The following FOXP4 variants were observed in gnomAD, a reference collection of about 807,000 sequenced individuals.
FOXP4 encodes forkhead box protein P4.
FOXP4 carries 25 observed loss-of-function variants against 82.6 expected under a neutral mutation model. The observed-to-expected ratio is 0.30, with a 90% CI of 0.22 to 0.42. The LOEUF (loss-of-function observed/expected upper bound fraction) is 0.42, where lower values mean the gene tolerates loss of function less well. Ranked by LOEUF, FOXP4 falls within the 10% of genes least tolerant of loss-of-function variation. The pLI is 1.00. For synonymous variants in FOXP4, 415 were observed against 388.2 expected, an observed-to-expected ratio of 1.07 and a Z score of -0.81; for missense variants, 785 against 900.9, an observed-to-expected ratio of 0.87 and a Z score of 1.65.
At chr6:41,581,350 C>T (rs918019790) in intron 3 of FOXP4, among the ~76,000 whole-genome samples, 8 of 152,240 alleles carry the variant, frequency 5.3e-5, no homozygotes, top group African/African-American at 1.9e-4. Flanking sequence ...CAGGCACTGT[C>T]CCTGTTCCTT....
intron 2 of FOXP4, among the ~76,000 whole-genome samples, chr6:41,573,571 C>T (rs1336571709): frequency 6.6e-6 from 1 of 152,068 alleles, no homozygotes; most frequent in Non-Finnish European, 1.5e-5. Flanking sequence ...GTTTGGTTAG[C>T]AAGGCCTTCT....
At chr6:41,586,565 A>G (rs533067632) in intron 5 of FOXP4, among the ~76,000 whole-genome samples, 259 of 152,244 alleles carry the variant, frequency 1.7e-3, no homozygotes, top group Non-Finnish European at 3.0e-3. Flanking sequence ...GAGCTGGGGG[A>G]GAGAAAACTC....
Position 41,594,964 on chromosome 6 carries a change from A to C in FOXP4, c.1631A>C (p.Gln544Pro). 1 of 1,614,178 alleles carries C rather than the reference A, an allele frequency of 6.2e-7. No individual in the cohort carries two copies. The highest frequency in any genetic ancestry group is 8.5e-7 in the Non-Finnish European group (1 of 1,180,022). Residue 544 changes from glutamine (Q) to proline (P), a missense_variant, in exon 14 of 17, where the codon CAG becomes CCG. Physicochemically the swap from Gln to Pro is moderately conservative, Grantham distance 76. Transcript: ENST00000307972. ...AVWTVDEREY[Q>P]KRRPPKMTGS... is the part of the protein sequence containing the mutation. ...TGGACTGTGGACGAGCGGGAGTATCAGAAGCGGAGACCGCCAAAGATGACA... is the reference window on the plus strand; with the variant it reads ...TGGACTGTGGACGAGCGGGAGTATCCGAAGCGGAGACCGCCAAAGATGACA...
intron 6 of FOXP4, 37 bp from the exon 7 acceptor site, chr6:41,587,262 C>T (rs544247285): frequency 2.1e-5 from 33 of 1,608,922 alleles, no homozygotes; most frequent in East Asian, 4.5e-5. Context: ...GCCGAGTGTT[C>T]GTGGGGCCCT....
intron 3 of FOXP4, among the ~76,000 whole-genome samples, chr6:41,583,642 G>T (rs1164000837): frequency 6.6e-6 from 1 of 152,200 alleles, no homozygotes; most frequent in Non-Finnish European, 1.5e-5. Flanking sequence ...GGAAATTAGA[G>T]AAGAGTCCTG....
At chr6:41,598,005 G>T in intron 16 of FOXP4, 55 bp downstream of exon 16, 1 of 1,375,900 alleles carries the variant, frequency 7.3e-7, no homozygotes, top group Non-Finnish European at 9.5e-7. Context: ...CCACCAGGGA[G>T]GAGGCGTCAT....
chr6:41,564,368 G>A (rs1288421397), intron 1 of FOXP4, among the ~76,000 whole-genome samples: 4 of 152,158 alleles, frequency 2.6e-5, no homozygotes, highest in South Asian at 2.1e-4. Flanking sequence ...GCAGGGAGCC[G>A]AGATTGTGCC....
chr6:41,555,894 A>C (rs1486421685), intron 1 of FOXP4, among the ~76,000 whole-genome samples: 6 of 152,110 alleles, frequency 3.9e-5, no homozygotes, highest in Non-Finnish European at 2.9e-5. Flanking sequence ...GATGGCTCTT[A>C]TGTTTACTTT....
At chr6:41,590,991 C>T (rs1014884605) in intron 12 of FOXP4, among the ~76,000 whole-genome samples, 1 of 152,200 alleles carries the variant, frequency 6.6e-6, no homozygotes, top group African/African-American at 2.4e-5. Context: ...AAATACATAG[C>T]CCTTGGAGGC....
intron 1 of FOXP4, among the ~76,000 whole-genome samples, chr6:41,561,259 T>C (rs1349132440): frequency 1.3e-5 from 2 of 152,204 alleles, no homozygotes; most frequent in Non-Finnish European, 2.9e-5. Flanking sequence ...CCTGCCTAAG[T>C]GCAGGACCTG....
chr6:41,598,767 C>T, intron 16 of FOXP4, 22 bp from the exon 17 acceptor site: 1 of 1,551,384 alleles, frequency 6.4e-7, no homozygotes, highest in Non-Finnish European at 8.7e-7. Flanking sequence ...CGCCTGGTGC[C>T]CATGCCATAC....
At position 41,583,117 on chromosome 6, in the gene FOXP4, A is replaced by G. The variant is rs570274777; in HGVS notation, c.301-1652A>G. On this transcript the variant is annotated intron_variant, in intron 3 of 16. Transcript: ENST00000307972. ...GAGCCTTCATTCACATGGTATGCCC[A>G]TGACTAAAGAGCTAGGTGTTACCCC... 5.9e-5 allele frequency among the ~76,000 whole-genome samples: 9 copies of G among 152,340 alleles called. No individual in the cohort carries two copies. In the South Asian group the frequency reaches 1.9e-3, roughly 32 times the overall value.
At chr6:41,571,638 G>A (rs1765204513) in intron 2 of FOXP4, among the ~76,000 whole-genome samples, 1 of 152,096 alleles carries the variant, frequency 6.6e-6, no homozygotes, top group African/African-American at 2.4e-5. Context: ...ATTTTTACGA[G>A]GTTGGTGTAA....
At chr6:41,577,957 C>T in intron 2 of FOXP4, 29 bp from the exon 3 acceptor site, 1 of 1,574,746 alleles carries the variant, frequency 6.4e-7, no homozygotes. Flanking sequence ...GCCTCCCAGG[C>T]CATTGCTGAC....
At chr6:41,568,024 C>G (rs917083821) in intron 2 of FOXP4, among the ~76,000 whole-genome samples, 1 of 152,194 alleles carries the variant, frequency 6.6e-6, no homozygotes, top group Non-Finnish European at 1.5e-5. Context: ...ATTAAAATTA[C>G]AAGATTTCCA....
At chr6:41,583,129 C>G (rs1443980427) in intron 3 of FOXP4, among the ~76,000 whole-genome samples, 2 of 152,212 alleles carry the variant, frequency 1.3e-5, no homozygotes, top group Non-Finnish European at 2.9e-5. Flanking sequence ...GACTAAAGAG[C>G]TAGGTGTTAC....
rs146922182 is a variant in FOXP4, at chr6:41,551,254, G to A, written c.-17+4387G>A. ...AAAAGGTACACATCTGGACAGGGCC[G>A]CAGGTGTTGGACCGTGGAGTCACTG... On this transcript the variant is annotated intron_variant, in intron 1 of 16. Transcript: ENST00000307972. 2.5e-3 allele frequency among the ~76,000 whole-genome samples: 375 copies of A among 152,342 alleles called. 2 individuals carry two copies. The highest frequency in any genetic ancestry group is 8.6e-3 in the African/African-American group (357 of 41,590).
Position 41,587,803 on chromosome 6 carries a change from G to C in FOXP4, c.883G>C (p.Glu295Gln), listed in dbSNP as rs963372971. Residue 295 changes from glutamate to glutamine, a missense_variant, in exon 8 of 17, where the codon GAG becomes CAG. Physicochemically the swap from Glu to Gln is conservative, Grantham distance 29 (BLOSUM62 2). This residue lies in a region of FOXP4 where 570 missense variants were observed against 634.0 expected (regional missense o/e 0.90). Coordinates refer to ENST00000307972, the MANE Select transcript of FOXP4 (RefSeq NM_001012426.2). ...CTGCTGTCCTCCCAGCTCTTCCCAC[G>C]AGGAGACCCCCGGCTCCCACCCCCT... The part of the protein sequence containing the change: ...LTSRRDSSSH[E>Q]ETPGSHPLYG... The C allele has an allele frequency of 1.9e-6, 3 of 1,562,748 alleles. No homozygotes were observed. In the African/African-American group the frequency reaches 4.1e-5, roughly 21 times the overall value.
At position 41,584,813 on chromosome 6, in the gene FOXP4, G is replaced by A. The variant is rs756710342; in HGVS notation, c.345G>A (p.Pro115=). The A allele has an allele frequency of 2.2e-5, 36 of 1,605,168 alleles. No individual in the cohort carries two copies. Among genetic ancestry groups the A allele is most frequent in the Middle Eastern group, 3.3e-4 (2 of 6,074 alleles). The change falls in exon 4 of 17, where the codon CCG becomes CCA. Residue 115 remains proline (P), a synonymous_variant. Coordinates refer to ENST00000307972, the MANE Select transcript of FOXP4 (RefSeq NM_001012426.2). ...TGATGTCGCCGCAGATGCTTACCCC[G>A]CAACAGATGCAGCAGATCCTGTCGC... ...VAMMSPQMLT[P]QQMQQILSPP... is the part of the protein sequence containing the mutation.
Sources: gnomAD v4.1 joint callset for allele counts (sites outside exome capture counted in the v4.1 genomes callset) on GRCh38, gnomAD v4.1.1 for gene constraint, gnomAD v4.1.1 regional missense constraint, MANE v1.5 for transcripts, NCBI Gene and HGNC (gene_info 2026-07-23, HGNC 2026-07-21) for gene names.